Variants in RCOR1 observed in about 807,000 individuals in gnomAD.
RCOR1 encodes REST corepressor.
A neutral mutation model predicts 64.0 loss-of-function variants in RCOR1; 12 were observed. That is an observed-to-expected ratio of 0.19 (90% CI 0.12 to 0.30). The LOEUF (loss-of-function observed/expected upper bound fraction) is 0.30, where lower values mean the gene tolerates loss of function less well. Among genes scored for constraint, RCOR1 ranks in the 10% least tolerant of loss-of-function variants. The pLI is 1.00. For missense variants in RCOR1, 502 were observed against 621.2 expected (o/e 0.81, Z 2.04); for synonymous variants, 279 against 227.2 (o/e 1.23, Z -2.05).
intron 2 of RCOR1, among the ~76,000 whole-genome samples, chr14:102,593,800 G>C (rs1893187018): frequency 6.6e-6 from 1 of 152,176 alleles, no homozygotes; most frequent in South Asian, 2.1e-4. Flanking sequence ...CTGGGCTCTT[G>C]CTGGCTCCTG....
intron 2 of RCOR1, among the ~76,000 whole-genome samples, chr14:102,625,167 G>C (rs978777109): frequency 2.6e-5 from 4 of 151,396 alleles, no homozygotes; most frequent in East Asian, 1.9e-4. Flanking sequence ...GAACCACTGT[G>C]CCTGGCCTGA....
intron 2 of RCOR1, among the ~76,000 whole-genome samples, chr14:102,652,108 T>C (rs1894606094): frequency 6.6e-6 from 1 of 152,254 alleles, no homozygotes; most frequent in Admixed American, 6.5e-5. Flanking sequence ...TCCTTATGAT[T>C]GAATCTATTT....
At chr14:102,714,997 G>A (rs1230242450) in intron 8 of RCOR1, among the ~76,000 whole-genome samples, 1 of 151,690 alleles carries the variant, frequency 6.6e-6, no homozygotes, top group Non-Finnish European at 1.5e-5. Context: ...ACTATTCCAT[G>A]GAATGTTGCA....
rs766380429 is a variant in RCOR1, at chr14:102,714,417, A to T, written c.859-6A>T. 4.4e-6 allele frequency: 7 copies of T among 1,589,760 alleles called. No homozygotes were observed. In the Admixed American group the frequency reaches 1.1e-4, roughly 24 times the overall value. On this transcript the variant is annotated splice_region_variant and splice_polypyrimidine_tract_variant and intron_variant, in intron 7 of 11. Transcript: ENST00000262241. ...GTTTCATTCATCACCTGTGTATATC[A>T]TGCAGGTTCCCCCTACTGAGACAGT...
intron 2 of RCOR1, among the ~76,000 whole-genome samples, chr14:102,652,486 G>GTT (rs3069244): frequency 0.2 from 30,230 of 151,922 alleles, 3,258 homozygotes; most frequent in East Asian, 0.38. Flanking sequence ...CAAACGCCCT[G>GTT]TTTTCTTTAG....
At chr14:102,653,956 TTTCTTTCTTTC>T (rs1894654241) in intron 2 of RCOR1, among the ~76,000 whole-genome samples, 1 of 52,140 alleles carries the variant, frequency 1.9e-5, no homozygotes, top group Non-Finnish European at 3.4e-5. Flanking sequence ...TCTTTCTTTC[TTTCTTTCTTTC>T]TTTCTTTCTT....
At position 102,611,496 on chromosome 14, in the gene RCOR1, T is replaced by A. The variant is rs1341724030; in HGVS notation, c.361+18171T>A. On this transcript the variant is annotated intron_variant, in intron 2 of 11. Coordinates refer to ENST00000262241, the MANE Select transcript of RCOR1 (RefSeq NM_015156.4). Reference sequence around the variant, plus strand: ...GGGTTGTCTTTTCCACCTACTTTGCTTATCTGTTGATTTTTGGATGCCAGA... The same window carrying A: ...GGGTTGTCTTTTCCACCTACTTTGCATATCTGTTGATTTTTGGATGCCAGA... Among the ~76,000 whole-genome samples the A allele has an allele frequency of 4.6e-5, 7 of 152,232 alleles. No homozygotes were observed. The East Asian group carries it at 1.2e-3, about 25-fold the overall frequency.
At chr14:102,662,239 T>A (rs1567426884) in intron 2 of RCOR1, 4 of 519,872 alleles carry the variant, frequency 7.7e-6, no homozygotes, top group Admixed American at 6.0e-5. Flanking sequence ...CTGGACTCAG[T>A]TTAGATGACC....
Position 102,593,302 on chromosome 14 carries a change from C to T in RCOR1, c.338C>T (p.Ala113Val), listed in dbSNP as rs1269561074. The T allele has an allele frequency of 3.2e-6, 5 of 1,548,062 alleles. No individual in the cohort carries two copies. The highest frequency in any genetic ancestry group is 2.6e-5 in the East Asian group (1 of 38,136). The change falls in exon 2 of 12, where the codon GCG becomes GTG. Residue 113 changes from alanine to valine, a missense_variant. By Grantham distance (64) the Ala-to-Val change is moderately conservative. Coordinates refer to ENST00000262241, the MANE Select transcript of RCOR1 (RefSeq NM_015156.4). ...GGMRVGPQYQAVVPDFDPAKL... is the reference protein window; with the variant it reads ...GGMRVGPQYQVVVPDFDPAKL... ...ATGAGGGTCGGACCCCAGTACCAGG[C>T]GGTGGTGCCCGACTTCGACCCCGGT...
At chr14:102,656,151 T>TA (rs1295337976) in intron 2 of RCOR1, 1 of 973,088 alleles carries the variant, frequency 1.0e-6, no homozygotes. Context: ...TTTTTATTTT[T>TA]TTTTTGGAGA....
intron 2 of RCOR1, among the ~76,000 whole-genome samples, chr14:102,674,275 C>T (rs773563772): frequency 6.6e-5 from 10 of 152,192 alleles, no homozygotes; most frequent in Admixed American, 2.0e-4. Context: ...CTACTAAATA[C>T]TTTTCACAGT....
chr14:102,691,575 GGTTGAAACTTGTGATTAAAATGA>G (rs1895533691), intron 3 of RCOR1, among the ~76,000 whole-genome samples: 1 of 152,264 alleles, frequency 6.6e-6, no homozygotes, highest in South Asian at 2.1e-4. Context: ...GGCTAGAAGA[GGTTGAAACTTGTGATTAAAATGA>G]GTCTTTTGAG....
chr14:102,691,382 C>T lies in RCOR1; in HGVS notation c.445+9404C>T, dbSNP rs141081815. ...GAGTGAGTCATGGGTTCATTTGTAC[C>T]CCAGACCTCAGCATCACGCAGTGTG... On this transcript the variant is annotated intron_variant, in intron 3 of 11. Transcript: ENST00000262241. Among the ~76,000 whole-genome samples, 26 of 152,116 alleles carry T rather than the reference C, an allele frequency of 1.7e-4. No individual in the cohort carries two copies. The East Asian group carries it at 4.1e-3, about 24-fold the overall frequency.
At chr14:102,643,398 A>G (rs1894412931) in intron 2 of RCOR1, 1 of 692,720 alleles carries the variant, frequency 1.4e-6, no homozygotes. Context: ...ATGGGATAGT[A>G]TAAACAGTAT....
chr14:102,718,384 C>A (rs578070937), intron 8 of RCOR1, among the ~76,000 whole-genome samples: 2 of 152,334 alleles, frequency 1.3e-5, no homozygotes, highest in Middle Eastern at 6.8e-3. Context: ...GCGTTGCGTA[C>A]TGCTCTTCCT....
At chr14:102,677,619 C>T (rs1191752981) in intron 2 of RCOR1, among the ~76,000 whole-genome samples, 119 of 110,292 alleles carry the variant, frequency 1.1e-3, no homozygotes, top group Middle Eastern at 4.3e-3. Context: ...CGGGCAGAGA[C>T]GCTCCTCACT....
At chr14:102,683,062 T>C (rs1271925438) in intron 3 of RCOR1, among the ~76,000 whole-genome samples, 1 of 152,214 alleles carries the variant, frequency 6.6e-6, no homozygotes, top group Non-Finnish European at 1.5e-5. Flanking sequence ...AATTTAATTT[T>C]AATGTTATCT....
Position 102,648,949 on chromosome 14 carries a change from T to TCCAAAG in RCOR1, c.362-32946_362-32945insCCAAAG, listed in dbSNP as rs1894528201. Among the ~76,000 whole-genome samples, 5 of 152,070 alleles carry TCCAAAG rather than the reference T, an allele frequency of 3.3e-5. No homozygotes were observed. The South Asian group carries it at 1.0e-3, about 32-fold the overall frequency. On this transcript the variant is annotated intron_variant, in intron 2 of 11. Coordinates refer to ENST00000262241, the MANE Select transcript of RCOR1 (RefSeq NM_015156.4). The stretch of plus-strand genomic sequence containing the variant: ...GAGTGAAGACAGGGCTCCAAAGGGG[T>TCCAAAG]GTTGTCAAGAAATAAACAACCAATA...
rs548982985 is a variant in RCOR1 at position 102,712,924 on chromosome 14, A to G, written c.859-1499A>G. ...TTCTTATTTATATAATTTCTGATTCAGAAAGAAAATGGCTAAATCATTGTT... is the reference window on the plus strand; with the variant it reads ...TTCTTATTTATATAATTTCTGATTCGGAAAGAAAATGGCTAAATCATTGTT... On this transcript the variant is annotated intron_variant, in intron 7 of 11. Transcript: ENST00000262241. Among the ~76,000 whole-genome samples the G allele has an allele frequency of 6.4e-4, 96 of 149,848 alleles. 2 individuals are homozygous for G. The South Asian group carries it at 0.019, about 30-fold the overall frequency.
Sources: gnomAD v4.1 joint callset for allele counts (sites outside exome capture counted in the v4.1 genomes callset) on GRCh38, gnomAD v4.1.1 for gene constraint, MANE v1.5 for transcripts, NCBI Gene and HGNC (gene_info 2026-07-23, HGNC 2026-07-21) for gene names.